Variants in DCDC2 observed in about 807,000 individuals in gnomAD.
DCDC2 encodes the protein doublecortin domain-containing protein 2.
A neutral mutation model predicts 50.2 loss-of-function variants in DCDC2; 40 were observed. That is an observed-to-expected ratio of 0.80 (90% CI 0.62 to 1.04). The LOEUF is 1.04. Ranked by LOEUF, DCDC2 falls within the 50% of genes least tolerant of loss-of-function variation. The pLI, the probability that DCDC2 is intolerant of heterozygous loss-of-function variation, is 0.00. For synonymous variants in DCDC2, 234 were observed against 210.6 expected, an observed-to-expected ratio of 1.11 and a Z score of -0.96; for missense variants, 570 against 581.9, an observed-to-expected ratio of 0.98 and a Z score of 0.21.
At chr6:24,339,501 G>T (rs374055641) in intron 2 of DCDC2, among the ~76,000 whole-genome samples, 9 of 152,046 alleles carry the variant, frequency 5.9e-5, no homozygotes, top group African/African-American at 1.9e-4. Context: ...CCACCAAAAC[G>T]TGAGAGCCAT....
At chr6:24,379,991 G>A in the DCDC2 span, among the ~76,000 whole-genome samples, 4 of 139,298 alleles carry the variant, frequency 2.9e-5, no homozygotes, top group South Asian at 2.4e-4. Flanking sequence ...GTTGAACAAC[G>A]AGAACACATG....
intron 7 of DCDC2, among the ~76,000 whole-genome samples, chr6:24,271,516 G>A (rs535460709): frequency 3.7e-4 from 57 of 152,214 alleles, no homozygotes; most frequent in Middle Eastern, 3.4e-3. Flanking sequence ...GTCCCCACCC[G>A]AGTAACTCCA....
intron 8 of DCDC2, among the ~76,000 whole-genome samples, chr6:24,191,735 C>T (rs908236003): frequency 3.9e-5 from 6 of 152,118 alleles, no homozygotes; most frequent in African/African-American, 1.4e-4. Context: ...GGAGTTTTTT[C>T]TTAGCTCCCT....
At chr6:24,180,164 T>C (rs1761037943) in intron 8 of DCDC2, among the ~76,000 whole-genome samples, 2 of 152,130 alleles carry the variant, frequency 1.3e-5, no homozygotes, top group Non-Finnish European at 2.9e-5. Flanking sequence ...AGTGTCATAG[T>C]TTCTGGCACA....
intron 8 of DCDC2, among the ~76,000 whole-genome samples, chr6:24,200,678 C>T (rs951794126): frequency 2.6e-4 from 40 of 152,058 alleles, no homozygotes; most frequent in Admixed American, 1.7e-3. Flanking sequence ...ACGGGCTAAA[C>T]GCCCCAATTA....
At chr6:24,304,268 A>C (rs879585777) in intron 2 of DCDC2, among the ~76,000 whole-genome samples, 3 of 152,190 alleles carry the variant, frequency 2.0e-5, no homozygotes, top group Non-Finnish European at 4.4e-5. Flanking sequence ...GGATCTCCTA[A>C]GGTCAGGAGT....
At chr6:24,321,525 A>G (rs372306346) in intron 2 of DCDC2, among the ~76,000 whole-genome samples, 116 of 152,230 alleles carry the variant, frequency 7.6e-4, no homozygotes, top group African/African-American at 2.7e-3. Context: ...AAAATAAGAG[A>G]TCTCCCTCCC....
At chr6:24,213,871 T>TA (rs1217006270) in intron 7 of DCDC2, among the ~76,000 whole-genome samples, 3 of 152,044 alleles carry the variant, frequency 2.0e-5, no homozygotes, top group Non-Finnish European at 4.4e-5. Context: ...GGATTAAATA[T>TA]AAAAAAATCA....
intron 7 of DCDC2, among the ~76,000 whole-genome samples, chr6:24,227,962 C>G (rs1016746123): frequency 6.6e-6 from 1 of 152,200 alleles, no homozygotes; most frequent in Non-Finnish European, 1.5e-5. Flanking sequence ...CTCCTACTTG[C>G]TGGTTCTATC....
chr6:24,338,983 A>G (rs893458164), intron 2 of DCDC2, among the ~76,000 whole-genome samples: 3 of 151,194 alleles, frequency 2.0e-5, no homozygotes, highest in African/African-American at 7.4e-5. Context: ...ATTACTTTTT[A>G]AAACCCCTGA....
At chr6:24,348,006 G>A (rs1760299512) in intron 2 of DCDC2, among the ~76,000 whole-genome samples, 1 of 152,186 alleles carries the variant, frequency 6.6e-6, no homozygotes, top group African/African-American at 2.4e-5. Flanking sequence ...GTACGATACA[G>A]GATTAGCAGA....
At chr6:24,283,194 T>C (rs938815945) in intron 6 of DCDC2, among the ~76,000 whole-genome samples, 2 of 152,228 alleles carry the variant, frequency 1.3e-5, no homozygotes, top group Non-Finnish European at 2.9e-5. Context: ...GCAGATGGGT[T>C]TATTCTTCAA....
chr6:24,360,073 T>G (rs539080167), upstream of DCDC2, among the ~76,000 whole-genome samples: 8 of 152,282 alleles, frequency 5.3e-5, no homozygotes, highest in African/African-American at 1.9e-4. Flanking sequence ...TGCGCGCCGC[T>G]CACGCTGTTC....
intron 7 of DCDC2, among the ~76,000 whole-genome samples, chr6:24,217,286 T>A (rs976049720): frequency 3.9e-5 from 6 of 152,216 alleles, no homozygotes; most frequent in Non-Finnish European, 8.8e-5. Context: ...ATTAAATACC[T>A]AGCTCAAATA....
chr6:24,252,672 CCAAAGTACAAAAT>C (rs1762817332), intron 7 of DCDC2, among the ~76,000 whole-genome samples: 1 of 152,080 alleles, frequency 6.6e-6, no homozygotes, highest in Non-Finnish European at 1.5e-5. Flanking sequence ...CATCTCAAAG[CCAAAGTACAAAAT>C]CAAAGAAATC....
chr6:24,267,722 C>T (rs563153137), intron 7 of DCDC2, among the ~76,000 whole-genome samples: 1 of 152,252 alleles, frequency 6.6e-6, no homozygotes, highest in Non-Finnish European at 1.5e-5. Flanking sequence ...ACATCTGTGC[C>T]ACAAGCCAAG....
chr6:24,366,695 G>A, the DCDC2 span, among the ~76,000 whole-genome samples: 4 of 152,210 alleles, frequency 2.6e-5, no homozygotes, highest in East Asian at 7.7e-4. Flanking sequence ...CCATTATGGA[G>A]TATATATGCT....
chr6:24,291,119 A>G (rs1358941909), intron 4 of DCDC2, 41 bp from the exon 5 acceptor site: 1 of 1,573,780 alleles, frequency 6.4e-7, no homozygotes, highest in East Asian at 2.2e-5. Flanking sequence ...ATTTTAACCA[A>G]CATTTAAAGA....
the DCDC2 span, among the ~76,000 whole-genome samples, chr6:24,372,173 G>A: frequency 6.6e-5 from 10 of 152,198 alleles, 1 homozygote; most frequent in African/African-American, 2.2e-4. Context: ...TGTAATCCCA[G>A]CACTTTGGGA....
Sources: allele counts gnomAD v4.1 joint callset (sites outside exome capture counted in the v4.1 genomes callset), GRCh38; gene constraint gnomAD v4.1.1; transcripts MANE v1.5; gene names NCBI Gene and HGNC (gene_info 2026-07-23, HGNC 2026-07-21).